Variants in ADAM29 observed in about 807,000 individuals in gnomAD.
ADAM29 encodes the protein ADAM metallopeptidase domain 29, also known as disintegrin and metalloproteinase domain-containing protein 29.
For missense variants in ADAM29, 969 were observed against 1,001.8 expected, an observed-to-expected ratio of 0.97 and a Z score of 0.44; for synonymous variants, 367 against 342.3, an observed-to-expected ratio of 1.07 and a Z score of -0.80.
intron 2 of ADAM29, chr4:174,924,154 A>G (rs1322900744): frequency 6.6e-6 from 1 of 152,240 alleles, no homozygotes; most frequent in Non-Finnish European, 1.5e-5. Context: ...AATAGTACAG[A>G]CAACTCAATT....
At chr4:174,932,306 A>AG (rs1743931317) in intron 3 of ADAM29, among the ~76,000 whole-genome samples, 1 of 152,120 alleles carries the variant, frequency 6.6e-6, no homozygotes, top group Admixed American at 6.5e-5. Flanking sequence ...AGAAAAAAAA[A>AG]GGAATGACAA....
rs112066212 is a variant in ADAM29 at position 174,970,192 on chromosome 4, G to C, written c.-180-5154G>C. 4.6e-3 allele frequency among the ~76,000 whole-genome samples: 681 copies of C among 147,436 alleles called. 6 individuals carry two copies. The highest frequency in any genetic ancestry group is 0.017 in the Middle Eastern group (5 of 292). On this transcript the variant is annotated intron_variant, in intron 4 of 4. Coordinates refer to ENST00000359240, the MANE Select transcript of ADAM29 (RefSeq NM_014269.4). Reference sequence around the variant, plus strand: ...TACAATAAAGAGGATGAAGTGGGTGGAATAATTGTCTCCCAGAAATGTTCC... The same window carrying C: ...TACAATAAAGAGGATGAAGTGGGTGCAATAATTGTCTCCCAGAAATGTTCC...
At chr4:174,957,740 C>G (rs1579059034) in intron 4 of ADAM29, among the ~76,000 whole-genome samples, 1 of 151,730 alleles carries the variant, frequency 6.6e-6, no homozygotes, top group East Asian at 1.9e-4. Context: ...TGGAATTTTT[C>G]AGTCTGTGTA....
At chr4:174,959,476 T>C (rs1384067658) in intron 4 of ADAM29, among the ~76,000 whole-genome samples, 1 of 149,816 alleles carries the variant, frequency 6.7e-6, no homozygotes, top group Non-Finnish European at 1.5e-5. Flanking sequence ...TGTGTGTGTG[T>C]GTGTGTGTTT....
At chr4:174,968,771 CCACACACACACACACACACA>C (rs36211576) in intron 4 of ADAM29, among the ~76,000 whole-genome samples, 3 of 148,686 alleles carry the variant, frequency 2.0e-5, no homozygotes, top group African/African-American at 7.4e-5. Context: ...CACTTTCCGC[CCACACACACACACACACACA>C]CACACACACA....
At position 174,956,475 on chromosome 4, in the gene ADAM29, G is replaced by GGT. The variant is rs749723638; in HGVS notation, c.-180-18854_-180-18853dup. 4.1e-3 allele frequency among the ~76,000 whole-genome samples: 584 copies of GGT among 140,892 alleles called. 3 individuals carry two copies. Among genetic ancestry groups the GGT allele is most frequent in the East Asian group, 0.015 (71 of 4,822 alleles). The allele number at this position is 140,892 out of a possible 152,430, so 92.4% of individuals were successfully genotyped here. On this transcript the variant is annotated intron_variant, in intron 4 of 4. Transcript: ENST00000359240. Reference sequence around the variant, plus strand: ...TCTTCAAATTCCTGTTTTAAAAAAAGGTGTGTGTGTGTGTGTGTCTGTGTG... The same window carrying GGT: ...TCTTCAAATTCCTGTTTTAAAAAAAGGTGTGTGTGTGTGTGTGTGTCTGTGTG...
chr4:174,975,103 C>T (rs921738665), intron 4 of ADAM29, among the ~76,000 whole-genome samples: 8 of 152,104 alleles, frequency 5.3e-5, no homozygotes, highest in Admixed American at 1.3e-4. Context: ...ATCAATTTCC[C>T]ACCGTTTATA....
At chr4:174,953,384 T>TA (rs1745303524) in intron 4 of ADAM29, among the ~76,000 whole-genome samples, 1 of 152,244 alleles carries the variant, frequency 6.6e-6, no homozygotes. Context: ...TACTAAAGTA[T>TA]ACTATTTTCT....
At chr4:174,965,639 G>A (rs1213465802) in intron 4 of ADAM29, among the ~76,000 whole-genome samples, 2 of 152,084 alleles carry the variant, frequency 1.3e-5, no homozygotes, top group African/African-American at 4.8e-5. Context: ...GATAGAGGCA[G>A]CAGCAGATTT....
chr4:174,936,496 C>T (rs1320795058), intron 3 of ADAM29, among the ~76,000 whole-genome samples: 1 of 151,846 alleles, frequency 6.6e-6, no homozygotes, highest in Non-Finnish European at 1.5e-5. Flanking sequence ...CCACTGTAAA[C>T]TTGCCCCCTC....
chr4:174,935,873 G>GA (rs1744171588), intron 3 of ADAM29, among the ~76,000 whole-genome samples: 1 of 152,012 alleles, frequency 6.6e-6, no homozygotes, highest in South Asian at 2.1e-4. Flanking sequence ...TTCTTCATTT[G>GA]AAAAATGGGC....
chr4:174,961,361 CTT>C (rs1745810377), intron 4 of ADAM29, among the ~76,000 whole-genome samples: 1 of 151,318 alleles, frequency 6.6e-6, no homozygotes, highest in South Asian at 2.1e-4. Flanking sequence ...TGAGAGTTCT[CTT>C]ATATTTCACC....
intron 4 of ADAM29, among the ~76,000 whole-genome samples, chr4:174,957,684 G>C (rs542351435): frequency 2.0e-5 from 3 of 151,560 alleles, no homozygotes; most frequent in Non-Finnish European, 4.4e-5. Context: ...AGGGCTGTTT[G>C]GGTACCCACA....
chr4:174,951,771 G>T (rs963996922), intron 4 of ADAM29, among the ~76,000 whole-genome samples: 1 of 152,082 alleles, frequency 6.6e-6, no homozygotes, highest in Non-Finnish European at 1.5e-5. Context: ...TGGTTTCAGT[G>T]GTGTTCATGC....
intron 4 of ADAM29, among the ~76,000 whole-genome samples, chr4:174,970,577 G>A (rs1245173857): frequency 2.0e-5 from 3 of 152,072 alleles, no homozygotes; most frequent in Admixed American, 6.6e-5. Context: ...TGACACTTTC[G>A]TTTTGGCCAA....
chr4:174,923,501 T>C (rs1743288267), intron 2 of ADAM29, among the ~76,000 whole-genome samples: 1 of 137,314 alleles, frequency 7.3e-6, no homozygotes, highest in Non-Finnish European at 1.5e-5. Context: ...CTGTGCATCA[T>C]CCCCTATATA....
At chr4:174,954,701 A>G (rs1036594760) in intron 4 of ADAM29, among the ~76,000 whole-genome samples, 11 of 152,090 alleles carry the variant, frequency 7.2e-5, no homozygotes, top group African/African-American at 2.4e-4. Flanking sequence ...AGTATCCCCA[A>G]TCTCAGGCAG....
chr4:174,972,853 C>G (rs909818902), intron 4 of ADAM29, among the ~76,000 whole-genome samples: 34 of 152,252 alleles, frequency 2.2e-4, no homozygotes, highest in African/African-American at 7.9e-4. Context: ...CAGGAGAAAG[C>G]TGAGAGCTGG....
intron 4 of ADAM29, among the ~76,000 whole-genome samples, chr4:174,956,404 A>G (rs1210334134): frequency 6.6e-6 from 1 of 151,864 alleles, no homozygotes; most frequent in African/African-American, 2.4e-5. Flanking sequence ...TATTCATTGC[A>G]GCTGTGGCAT....
Sources: gnomAD v4.1 joint callset for allele counts (sites outside exome capture counted in the v4.1 genomes callset) on GRCh38, gnomAD v4.1.1 for gene constraint, MANE v1.5 for transcripts, NCBI Gene and HGNC (gene_info 2026-07-23, HGNC 2026-07-21) for gene names.